Variants in PUS3 observed in about 807,000 individuals in gnomAD.
PUS3 encodes the protein tRNA pseudouridine(38/39) synthase.
PUS3 carries 36 observed loss-of-function variants against 43.3 expected under a neutral mutation model. That is an observed-to-expected ratio of 0.83 (90% CI 0.64 to 1.10). The LOEUF is 1.10. PUS3 is among the 50% of genes least tolerant of loss of function. PUS3 has a pLI of 0.00. For missense variants in PUS3, 544 were observed against 589.9 expected, an observed-to-expected ratio of 0.92 and a Z score of 0.81; for synonymous variants, 183 against 199.2, an observed-to-expected ratio of 0.92 and a Z score of 0.69.
chr11:125,901,447 G>A (rs758983560), intron 1 of PUS3, among the ~76,000 whole-genome samples: 1 of 152,154 alleles, frequency 6.6e-6, no homozygotes, highest in African/African-American at 2.4e-5. Context: ...ATCTGTTCTT[G>A]ATATTTCTGA....
rs1944502249 is a variant in PUS3, at chr11:125,894,129, C to G, written c.1102G>C (p.Gly368Arg). 6.2e-7 allele frequency: 1 copy of G among 1,614,088 alleles called. No homozygotes were observed. The highest frequency in any genetic ancestry group is 2.2e-5 in the East Asian group (1 of 44,884). Residue 368 changes from glycine to arginine, a missense_variant, in exon 4 of 4, where the codon GGA (glycine) becomes CGA (arginine). Transcript: ENST00000227474. ...CAGGGTACTGGAACAGTGTCCAGTCCTTGTAGCATACTATACAACATGTGA... is the reference window on the plus strand; with the variant it reads ...CAGGGTACTGGAACAGTGTCCAGTCGTTGTAGCATACTATACAACATGTGA... ...KTHMLYSMLQ[G>R]LDTVPVPCGI...
rs200048493 is a variant in PUS3, at chr11:125,896,128, G to A, written c.157C>T (p.Arg53Cys). 27 of 1,614,120 alleles carry A rather than the reference G, an allele frequency of 1.7e-5. No individual in the cohort carries two copies. The East Asian group carries it at 2.9e-4, about 17-fold the overall frequency. The change falls in exon 2 of 4, where the codon CGT (arginine) becomes TGT (cysteine). Residue 53 changes from arginine (R) to cysteine (C), a missense_variant. Arg to Cys is a radical substitution (Grantham distance 180). Coordinates refer to ENST00000227474, the MANE Select transcript of PUS3 (RefSeq NM_031307.4). Reference protein sequence around the residue: ...ENSAGAGKTKRAFDFSAHGRR... With the variant: ...ENSAGAGKTKCAFDFSAHGRR... Reference sequence around the variant, plus strand: ...CCATGAGCACTGAAATCAAATGCACGCTTAGTTTTTCCAGCTCCTGCTGAA... The same window carrying A: ...CCATGAGCACTGAAATCAAATGCACACTTAGTTTTTCCAGCTCCTGCTGAA...
rs1944571027 is a variant in PUS3, at chr11:125,895,938, C to T, written c.347G>A (p.Arg116Lys). Residue 116 changes from arginine to lysine, a missense_variant, in exon 2 of 4, where the codon AGA (arginine) becomes AAA (lysine). Transcript: ENST00000227474. ...RQTSNYHRCG[R>K]TDKGVSAFGQ... The stretch of plus-strand genomic sequence containing the variant: ...AAAGGCACTAACTCCTTTATCTGTT[C>T]TCCCACATCGGTGATAGTTGGATGT... 6.2e-7 allele frequency: 1 copy of T among 1,613,712 alleles called. No individual in the cohort carries two copies. Among genetic ancestry groups the T allele is most frequent in the Non-Finnish European group, 8.5e-7 (1 of 1,180,026 alleles).
rs1278210119 is a variant in PUS3 at position 125,895,776 on chromosome 11, T to G, written c.392A>C (p.Asp131Ala). 6.3e-7 allele frequency: 1 copy of G among 1,599,342 alleles called. No individual in the cohort carries two copies. The highest frequency in any genetic ancestry group is 8.5e-7 in the Non-Finnish European group (1 of 1,175,708). The change falls in exon 3 of 4, where the codon GAC becomes GCC. Residue 131 changes from aspartate (D) to alanine (A), a missense_variant. Physicochemically the swap from Asp to Ala is moderately radical, Grantham distance 126. Coordinates refer to ENST00000227474, the MANE Select transcript of PUS3 (RefSeq NM_031307.4). ...GCCCCTTGGAAACTGAGAGCGAAGGTCAAGTGAGATCACCTGTGGAGTTAG... is the reference window on the plus strand; with the variant it reads ...GCCCCTTGGAAACTGAGAGCGAAGGGCAAGTGAGATCACCTGTGGAGTTAG... The part of the protein sequence containing the change: ...VSAFGQVISL[D>A]LRSQFPRGRD...
At chr11:125,903,082 A>G in intron 1 of PUS3, 88 bp downstream of exon 1, 1 of 603,412 alleles carries the variant, frequency 1.7e-6, no homozygotes, top group Non-Finnish European at 2.1e-6. Flanking sequence ...CAAAAAGAAG[A>G]CAACAGACAA....
Position 125,895,384 on chromosome 11 carries a change from A to G in PUS3, c.784T>C (p.Phe262Leu), listed in dbSNP as rs371313206. The G allele has an allele frequency of 4.3e-6, 7 of 1,614,044 alleles. No homozygotes were observed. In the African/African-American group the frequency reaches 8.0e-5, roughly 18 times the overall value. Residue 262 changes from phenylalanine to leucine, a missense_variant, in exon 3 of 4, where the codon TTC becomes CTC. Coordinates refer to ENST00000227474, the MANE Select transcript of PUS3 (RefSeq NM_031307.4). ...GTCACTTCAAACTGACATAACTGGAAAGGTTCTTGCCATCTCCCCTCACCT... is the reference window on the plus strand; with the variant it reads ...GTCACTTCAAACTGACATAACTGGAGAGGTTCTTGCCATCTCCCCTCACCT... ...SPGEGRWQEP[F>L]QLCQFEVTGQ...
intron 1 of PUS3, chr11:125,899,132 C>G (rs769344582): frequency 5.7e-6 from 3 of 522,778 alleles, no homozygotes; most frequent in Non-Finnish European, 1.0e-5. Flanking sequence ...CAGTAGAAAG[C>G]AGGAGTAAGA....
At position 125,897,612 on chromosome 11, in the gene PUS3, A is replaced by T. The variant is rs534460549; in HGVS notation, c.-46-1282T>A. On this transcript the variant is annotated intron_variant, in intron 1 of 3. Coordinates refer to ENST00000227474, the MANE Select transcript of PUS3 (RefSeq NM_031307.4). The stretch of plus-strand genomic sequence containing the variant: ...AGAAAAAAGCTTATAAAAATTTTTT[A>T]AAAAAAATTTTAAATGCTCAATTTT... Among the ~76,000 whole-genome samples, 458 of 152,186 alleles carry T rather than the reference A, an allele frequency of 3.0e-3. 5 individuals carry two copies. Among genetic ancestry groups the T allele is most frequent in the Middle Eastern group, 6.8e-3 (2 of 294 alleles).
intron 1 of PUS3, chr11:125,900,200 G>A (rs1381781343): frequency 6.2e-7 from 1 of 1,614,096 alleles, no homozygotes. Context: ...ACTCCGTTGG[G>A]GTGTTCGTTG....
At chr11:125,900,879 G>A (rs12799779) in intron 1 of PUS3, 31,572 of 152,306 alleles carry the variant, frequency 0.21, 3,537 homozygotes, top group Non-Finnish European at 0.25. Flanking sequence ...GCGAGGTGGC[G>A]GGCGCCTGTA....
chr11:125,900,264 CTTAAATCTTTTTA>C, intron 1 of PUS3: 1 of 1,614,022 alleles, frequency 6.2e-7, no homozygotes, highest in Non-Finnish European at 8.5e-7. Flanking sequence ...CTTTCTCCTT[CTTAAATCTTTTTA>C]AACTTCTTTC....
Position 125,894,259 on chromosome 11 carries a change from T to C in PUS3, c.972A>G (p.Leu324=), listed in dbSNP as rs762147081. The change falls in exon 4 of 4, where the codon TTA becomes TTG. Residue 324 remains leucine (L), a synonymous_variant. Transcript: ENST00000227474. ...YSMAVEFPLV[L]YDCKFENVKW... Reference sequence around the variant, plus strand: ...TGACATTTTCAAACTTACAGTCATATAAGACTAGAGGAAATTCTACAGCCA... The same window carrying C: ...TGACATTTTCAAACTTACAGTCATACAAGACTAGAGGAAATTCTACAGCCA... 1.2e-6 allele frequency: 2 copies of C among 1,611,476 alleles called. No individual in the cohort carries two copies. Among genetic ancestry groups the C allele is most frequent in the Middle Eastern group, 1.7e-4 (1 of 6,052 alleles).
intron 1 of PUS3, 32 bp from the exon 2 acceptor site, chr11:125,896,362 C>T: frequency 7.5e-7 from 1 of 1,325,652 alleles, no homozygotes; most frequent in Non-Finnish European, 1.0e-6. Flanking sequence ...ACAACAGTTT[C>T]AATGCTAGTT....
chr11:125,894,363 G>A, intron 3 of PUS3, 77 bp from the exon 4 acceptor site: 1 of 1,247,374 alleles, frequency 8.0e-7, no homozygotes, highest in Non-Finnish European at 1.1e-6. Context: ...AGGGTTAGTT[G>A]CGTTAAGGGA....
At chr11:125,899,759 TTA>T in intron 1 of PUS3, 2 of 1,614,232 alleles carry the variant, frequency 1.2e-6, no homozygotes, top group Non-Finnish European at 1.7e-6. Flanking sequence ...TCTCTGGGAC[TTA>T]AGACAAAGGC....
At chr11:125,901,382 A>C (rs559062830) in intron 1 of PUS3, among the ~76,000 whole-genome samples, 4 of 152,326 alleles carry the variant, frequency 2.6e-5, no homozygotes, top group African/African-American at 9.6e-5. Context: ...ATATGAACCT[A>C]GCCTGTTTGG....
chr11:125,898,716 C>A (rs558807179), intron 1 of PUS3, among the ~76,000 whole-genome samples: 1 of 151,302 alleles, frequency 6.6e-6, no homozygotes, highest in South Asian at 2.1e-4. Context: ...TATGTATGCA[C>A]GTATATACAC....
chr11:125,898,928 G>C (rs1280503105), intron 1 of PUS3, among the ~76,000 whole-genome samples: 4 of 152,126 alleles, frequency 2.6e-5, no homozygotes, highest in South Asian at 2.1e-4. Flanking sequence ...TCTGTGAAAA[G>C]CAGATAATCC....
Position 125,893,655 on chromosome 11 carries a change from T to C in PUS3, c.*130A>G. 1.3e-6 allele frequency: 1 copy of C among 756,460 alleles called. No homozygotes were observed. Among genetic ancestry groups the C allele is most frequent in the East Asian group, 2.7e-5 (1 of 36,394 alleles). The allele number at this position is 756,460 out of a possible 1,614,324, so 46.9% of individuals were successfully genotyped here. A position where few individuals can be genotyped will look rare whatever the true frequency, so the allele number is the denominator to read the frequency against. On this transcript the variant is annotated 3_prime_UTR_variant, in exon 4 of 4. Transcript: ENST00000227474. ...TAACTTCCTTAATAGGGCTTTAGTC[T>C]TTTTGCTTTTTTTTTTCTTTTAAGA...
Sources: allele counts gnomAD v4.1 joint callset (sites outside exome capture counted in the v4.1 genomes callset), GRCh38; gene constraint gnomAD v4.1.1; transcripts MANE v1.5; gene names NCBI Gene and HGNC (gene_info 2026-07-23, HGNC 2026-07-21).